Variants in SYNE2 observed in about 807,000 individuals in gnomAD.
SYNE2 encodes the protein spectrin repeat containing nuclear envelope protein 2, also known as nesprin-2.
SYNE2 carries 431 observed loss-of-function variants against 856.3 expected under a neutral mutation model. That is an observed-to-expected ratio of 0.50 (90% CI 0.47 to 0.55). The LOEUF (loss-of-function observed/expected upper bound fraction) is 0.55. SYNE2 is among the 20% of genes least tolerant of loss of function. SYNE2 has a pLI of 0.00. For synonymous variants in SYNE2, 2,923 were observed against 2,872.3 expected (o/e 1.02, Z -0.56); for missense variants, 8,129 against 8,023.2 (o/e 1.01, Z -0.50).
At chr14:63,817,902 G>T (rs1020424071) in intron 1 of SYNE2, among the ~76,000 whole-genome samples, 1 of 151,658 alleles carries the variant, frequency 6.6e-6, no homozygotes, top group African/African-American at 2.4e-5. Context: ...GTGCATACCT[G>T]TGGTCCCAGC....
At chr14:64,041,314 G>A (rs2097146573) in intron 45 of SYNE2, among the ~76,000 whole-genome samples, 1 of 152,122 alleles carries the variant, frequency 6.6e-6, no homozygotes, top group East Asian at 1.9e-4. Context: ...GCCTAAACAG[G>A]AAAAGAGAGA....
intron 1 of SYNE2, among the ~76,000 whole-genome samples, chr14:63,819,314 C>T (rs945788176): frequency 3.3e-5 from 5 of 151,978 alleles, no homozygotes; most frequent in Admixed American, 2.6e-4. Flanking sequence ...TCACTGCATC[C>T]TCTGCTTCTC....
chr14:63,806,471 G>C (rs928024949), intron 1 of SYNE2, among the ~76,000 whole-genome samples: 3 of 152,140 alleles, frequency 2.0e-5, no homozygotes, highest in African/African-American at 7.2e-5. Context: ...TGGTATCAGA[G>C]TGATGCTGGT....
chr14:63,977,301 C>A (rs967544983), intron 12 of SYNE2, among the ~76,000 whole-genome samples: 1 of 152,084 alleles, frequency 6.6e-6, no homozygotes, highest in African/African-American at 2.4e-5. Context: ...CAAGCACCGC[C>A]TCCTGGGTTC....
chr14:64,220,621 C>T lies in SYNE2; in HGVS notation c.20045C>T (p.Ser6682Leu), dbSNP rs201256334. 3.4e-5 allele frequency: 55 copies of T among 1,613,822 alleles called. No individual in the cohort carries two copies. Among genetic ancestry groups the T allele is most frequent in the South Asian group, 6.6e-5 (6 of 91,058 alleles). Reference protein sequence around the residue: ...VDSWRGGLRQSLMQCQDFHQL... With the variant: ...VDSWRGGLRQLLMQCQDFHQL... ...AGCTGGAGAGGGGGCTTACGACAGT[C>T]GCTCATGCAGTGCCAGGTACGCTGA... The change falls in exon 111 of 116, where the codon TCG becomes TTG. Residue 6682 changes from serine to leucine, a missense_variant. Ser to Leu is a moderately radical substitution (Grantham distance 145). Coordinates refer to ENST00000555002, the MANE Select transcript of SYNE2 (RefSeq NM_182914.3).
Position 64,052,443 on chromosome 14 carries a change from A to C in SYNE2, c.8530A>C (p.Arg2844=). The C allele has an allele frequency of 6.2e-7, 1 of 1,613,144 alleles. No homozygotes were observed. Among genetic ancestry groups the C allele is most frequent in the Non-Finnish European group, 8.5e-7 (1 of 1,179,616 alleles). ...EERSNFFAII[R]KFQLMVQESE... ...AAGAAGCAATTTTTTTGCTATAATAAGGAAGTTTCAACTTATGGTTCAAGA... is the reference window on the plus strand; with the variant it reads ...AAGAAGCAATTTTTTTGCTATAATACGGAAGTTTCAACTTATGGTTCAAGA... Residue 2844 remains arginine, a synonymous_variant, in exon 48 of 116, where the codon AGG becomes CGG. Transcript: ENST00000555002.
chr14:63,984,113 T>C (rs986810965), intron 18 of SYNE2, among the ~76,000 whole-genome samples: 1 of 152,054 alleles, frequency 6.6e-6, no homozygotes, highest in South Asian at 2.1e-4. Context: ...CGTGTGTTTG[T>C]GCGCCTGTGG....
intron 11 of SYNE2, among the ~76,000 whole-genome samples, chr14:63,972,853 C>G (rs1400638401): frequency 6.6e-6 from 1 of 152,190 alleles, no homozygotes; most frequent in Non-Finnish European, 1.5e-5. Context: ...AGGTATTGCT[C>G]TTAGCCTCTC....
intron 17 of SYNE2, 83 bp from the exon 18 acceptor site, chr14:63,983,654 A>G: frequency 4.3e-6 from 5 of 1,170,050 alleles, no homozygotes; most frequent in Non-Finnish European, 6.3e-6. Flanking sequence ...ATTTGAATAT[A>G]TTACATCCAC....
At chr14:63,982,904 T>A in intron 17 of SYNE2, 110 bp downstream of exon 17, 1 of 1,082,916 alleles carries the variant, frequency 9.2e-7, no homozygotes, top group Non-Finnish European at 1.4e-6. Context: ...CACAGTTACG[T>A]AGCCATTACC....
At chr14:64,174,109 TCAC>T in intron 94 of SYNE2, 1 of 484,090 alleles carries the variant, frequency 2.1e-6, no homozygotes, top group Non-Finnish European at 3.6e-6. Flanking sequence ...CGTCACTCTG[TCAC>T]CCAGGCTGGA....
intron 99 of SYNE2, among the ~76,000 whole-genome samples, chr14:64,194,887 G>A (rs930500524): frequency 6.6e-6 from 1 of 152,178 alleles, no homozygotes; most frequent in African/African-American, 2.4e-5. Context: ...CCTGCCACCT[G>A]ATCTCACCTA....
At chr14:64,211,301 G>A (rs17101717) in intron 103 of SYNE2, among the ~76,000 whole-genome samples, 3 of 152,162 alleles carry the variant, frequency 2.0e-5, no homozygotes, top group South Asian at 2.1e-4. Context: ...ATCTCCTGCC[G>A]ATCTGGCTGT....
At chr14:63,780,564 A>G (rs1211010928) in intron 1 of SYNE2, among the ~76,000 whole-genome samples, 1 of 152,152 alleles carries the variant, frequency 6.6e-6, no homozygotes, top group African/African-American at 2.4e-5. Flanking sequence ...ATCAAACTAT[A>G]CAGTTTCTAC....
rs199858329 is a variant in SYNE2, at chr14:63,865,715, C to CG, written c.-52+12572_-52+12573insG. ...CAACAAGAGCAAAACTCTGTACCCACCCCCCCCCCAAAAAAAAAGAAAAGA... is the reference window on the plus strand; with the variant it reads ...CAACAAGAGCAAAACTCTGTACCCACGCCCCCCCCCAAAAAAAAAGAAAAGA... On this transcript the variant is annotated intron_variant, in intron 1 of 115. Transcript: ENST00000555002. Among the ~76,000 whole-genome samples the CG allele has an allele frequency of 8.1e-3, 449 of 55,416 alleles. 24 individuals are homozygous for CG. The highest frequency in any genetic ancestry group is 0.026 in the African/African-American group (422 of 16,392). 36.4% of individuals were successfully genotyped at this position (55,416 alleles called of 152,430 possible).
chr14:64,123,392 G>A (rs1407975635), intron 70 of SYNE2, among the ~76,000 whole-genome samples: 1 of 152,214 alleles, frequency 6.6e-6, no homozygotes, highest in Non-Finnish European at 1.5e-5. Flanking sequence ...CCTGGGCAAA[G>A]GTTACCCGTG....
rs1476015770 is a variant in SYNE2 at position 64,017,794 on chromosome 14, A to G, written c.5049+38A>G. ...ATAAAATACATGCTTTTCTTGGTAC[A>G]CAATTGACATTTTTTATTTTTTATG... On this transcript the variant is annotated intron_variant, in intron 34 of 115. Transcript: ENST00000555002. The G allele has an allele frequency of 1.9e-6, 3 of 1,601,400 alleles. No individual in the cohort carries two copies. In the South Asian group the frequency reaches 3.3e-5, roughly 18 times the overall value.
At chr14:63,931,180 A>G (rs1243220159) in intron 2 of SYNE2, among the ~76,000 whole-genome samples, 1 of 152,206 alleles carries the variant, frequency 6.6e-6, no homozygotes, top group Admixed American at 6.5e-5. Context: ...TAATACAGAA[A>G]AAGAGTGCTT....
intron 84 of SYNE2, among the ~76,000 whole-genome samples, chr14:64,148,027 T>G (rs1314390893): frequency 1.3e-5 from 2 of 152,180 alleles, no homozygotes; most frequent in Non-Finnish European, 2.9e-5. Context: ...AATAAGCCAT[T>G]AAGGCCGGGC....
Sources: gnomAD v4.1 joint callset for allele counts (sites outside exome capture counted in the v4.1 genomes callset) on GRCh38, gnomAD v4.1.1 for gene constraint, MANE v1.5 for transcripts, NCBI Gene and HGNC (gene_info 2026-07-23, HGNC 2026-07-21) for gene names.